Variants in SRL observed in about 807,000 individuals in gnomAD.
SRL encodes the protein sarcalumenin.
SRL carries 23 observed loss-of-function variants against 39.5 expected under a neutral mutation model. That is an observed-to-expected ratio of 0.58 (90% CI 0.42 to 0.82). The LOEUF is 0.82. Among genes scored for constraint, SRL ranks in the 40% least tolerant of loss-of-function variants. The probability of loss-of-function intolerance (pLI) is 0.00; values close to 1 mark genes in which losing one functional copy is unlikely to be tolerated. For synonymous variants in SRL, 272 were observed against 237.4 expected (o/e 1.15, Z -1.34); for missense variants, 592 against 607.8 (o/e 0.97, Z 0.27).
At chr16:4,201,437 C>A (rs1166018312) in intron 3 of SRL, among the ~76,000 whole-genome samples, 2 of 151,648 alleles carry the variant, frequency 1.3e-5, no homozygotes, top group Admixed American at 1.3e-4. Flanking sequence ...CCACCACACC[C>A]AGCCAATTTT....
intron 1 of SRL, chr16:4,206,746 A>C (rs1208307182): frequency 1.5e-5 from 6 of 408,058 alleles, no homozygotes; most frequent in Admixed American, 1.3e-4. Context: ...CAATGATGGG[A>C]CTCTCCCTCC....
At chr16:4,214,154 G>C (rs1040156548) in intron 1 of SRL, among the ~76,000 whole-genome samples, 3 of 152,170 alleles carry the variant, frequency 2.0e-5, no homozygotes, top group Non-Finnish European at 4.4e-5. Context: ...ACTAGAGATG[G>C]AGAGAATAGA....
chr16:4,225,722 T>C (rs1028442026), intron 1 of SRL, among the ~76,000 whole-genome samples: 1 of 152,134 alleles, frequency 6.6e-6, no homozygotes, highest in Non-Finnish European at 1.5e-5. Context: ...CCCACCTGGA[T>C]TGTTGATGTC....
chr16:4,221,508 C>A (rs1044013441), intron 1 of SRL, among the ~76,000 whole-genome samples: 2 of 152,200 alleles, frequency 1.3e-5, no homozygotes, highest in Admixed American at 6.5e-5. Flanking sequence ...CAGGCTGACC[C>A]TCCCCGGTCA....
At chr16:4,205,752 C>T (rs872918) in intron 1 of SRL, among the ~76,000 whole-genome samples, 1,833 of 152,122 alleles carry the variant, frequency 0.012, 36 homozygotes, top group African/African-American at 0.042. Context: ...GGGTTTCATC[C>T]CAAGAGCAAT....
At position 4,192,033 on chromosome 16, in the gene SRL, A is replaced by C. The variant is rs750593371; in HGVS notation, c.*120T>G. The stretch of plus-strand genomic sequence containing the variant: ...CGACCCCTGGCCTCAATGAACTCCC[A>C]ACTCTCCACTGTGTAATAATTCCTG... On this transcript the variant is annotated 3_prime_UTR_variant, in exon 6 of 6. Transcript: ENST00000399609. The surrounding 1 kb of genome is among the most constrained non-coding windows in gnomAD (Gnocchi z 4.0). 1.9e-4 allele frequency: 220 copies of C among 1,170,406 alleles called. No homozygotes were observed. The highest frequency in any genetic ancestry group is 2.6e-4 in the Non-Finnish European group (213 of 824,976). 72.5% of individuals were successfully genotyped at this position (1,170,406 alleles called of 1,614,324 possible).
intron 3 of SRL, among the ~76,000 whole-genome samples, chr16:4,200,015 C>T (rs982430708): frequency 7.9e-5 from 12 of 152,250 alleles, no homozygotes; most frequent in South Asian, 2.1e-4. Context: ...TTACAGAGAG[C>T]GTTGCCATAT....
chr16:4,195,982 A>T (rs952132950), intron 4 of SRL, among the ~76,000 whole-genome samples, 196 bp from the exon 5 acceptor site: 3 of 152,008 alleles, frequency 2.0e-5, no homozygotes, highest in Non-Finnish European at 2.9e-5. Flanking sequence ...TCTTTTTGAG[A>T]TGGAGTCTTG....
chr16:4,209,269 T>C (rs534550652), intron 1 of SRL, among the ~76,000 whole-genome samples: 55 of 149,162 alleles, frequency 3.7e-4, no homozygotes, highest in Non-Finnish European at 6.8e-4. Flanking sequence ...TGAGACTCCA[T>C]CTCAAAAAAA....
intron 3 of SRL, among the ~76,000 whole-genome samples, chr16:4,199,002 T>C (rs1440393834): frequency 1.3e-5 from 2 of 152,276 alleles, no homozygotes; most frequent in South Asian, 4.1e-4. Flanking sequence ...GTCAGTCTTA[T>C]TGCAGATTTT....
At chr16:4,205,852 C>T (rs929983914) in intron 1 of SRL, among the ~76,000 whole-genome samples, 6 of 151,642 alleles carry the variant, frequency 4.0e-5, no homozygotes, top group African/African-American at 1.5e-4. Flanking sequence ...GTGGGAGGAT[C>T]GCTTGAGCAC....
chr16:4,198,529 A>G (rs1190262014), intron 3 of SRL, among the ~76,000 whole-genome samples: 2 of 152,108 alleles, frequency 1.3e-5, no homozygotes, highest in Non-Finnish European at 2.9e-5. Flanking sequence ...CCCCACTACA[A>G]TTACTGGGCT....
chr16:4,220,249 C>T (rs1339213664), intron 1 of SRL, among the ~76,000 whole-genome samples: 1 of 149,572 alleles, frequency 6.7e-6, no homozygotes, highest in Non-Finnish European at 1.5e-5. Flanking sequence ...ACCAGCCTGG[C>T]CAACATAGCG....
intron 1 of SRL, among the ~76,000 whole-genome samples, chr16:4,219,837 C>T (rs1256440863): frequency 3.9e-5 from 6 of 151,980 alleles, no homozygotes; most frequent in African/African-American, 1.2e-4. Context: ...GTATTCCTGG[C>T]GTCAGCAGAG....
At chr16:4,234,504 G>A (rs1442658661) in intron 1 of SRL, among the ~76,000 whole-genome samples, 4 of 152,158 alleles carry the variant, frequency 2.6e-5, no homozygotes, top group Non-Finnish European at 5.9e-5. Flanking sequence ...ACCACCTTCA[G>A]GGCTGCAGAG....
rs1255262106 is a variant in SRL, at chr16:4,192,665, G to T, written c.910C>A (p.Gln304Lys). 13 of 1,614,040 alleles carry T rather than the reference G, an allele frequency of 8.1e-6. No individual in the cohort carries two copies. The East Asian group carries it at 1.1e-4, about 14-fold the overall frequency. ...ATCTCTTCTTGGAGGAACAGTTCCTGATGGGTGTCCGGCTTATACTCTTGT... is the reference window on the plus strand; with the variant it reads ...ATCTCTTCTTGGAGGAACAGTTCCTTATGGGTGTCCGGCTTATACTCTTGT... Reference protein sequence around the residue: ...WPQEYKPDTHQELFLQEEISL... With the variant: ...WPQEYKPDTHKELFLQEEISL... The change falls in exon 6 of 6, where the codon CAG (glutamine) becomes AAG (lysine). Residue 304 changes from glutamine (Q) to lysine (K), a missense_variant. By Grantham distance (53) the Gln-to-Lys change is moderately conservative (BLOSUM62 1). Coordinates refer to ENST00000399609, the MANE Select transcript of SRL (RefSeq NM_001098814.2). The surrounding 1 kb of genome is among the most constrained non-coding windows in gnomAD (Gnocchi z 4.0).
chr16:4,224,437 G>A (rs1290424121), intron 1 of SRL, among the ~76,000 whole-genome samples: 1 of 152,110 alleles, frequency 6.6e-6, no homozygotes, highest in Non-Finnish European at 1.5e-5. Context: ...CAGGCACGGT[G>A]GTTCATGCCT....
In SRL at chr16:4,196,215, C is replaced by G. The variant is rs143862682; in HGVS notation, c.377-429G>C. On this transcript the variant is annotated intron_variant, in intron 4 of 5. Coordinates refer to ENST00000399609, the MANE Select transcript of SRL (RefSeq NM_001098814.2). ...ACCTTAATGATCTGCCCACCTTGGCCTCCCGAAGTGCTGGGATTACAGGTG... is the reference window on the plus strand; with the variant it reads ...ACCTTAATGATCTGCCCACCTTGGCGTCCCGAAGTGCTGGGATTACAGGTG... 4.7e-3 allele frequency among the ~76,000 whole-genome samples: 717 copies of G among 152,180 alleles called. 10 individuals are homozygous for G. Among genetic ancestry groups the G allele is most frequent in the African/African-American group, 0.016 (680 of 41,524 alleles).
chr16:4,228,474 A>G (rs886373736), intron 1 of SRL, among the ~76,000 whole-genome samples: 24 of 151,760 alleles, frequency 1.6e-4, no homozygotes, highest in African/African-American at 2.7e-4. Context: ...AGTGGCTCAC[A>G]CCTACAATCC....
Sources: allele counts gnomAD v4.1 joint callset (sites outside exome capture counted in the v4.1 genomes callset), GRCh38; gene constraint gnomAD v4.1.1; non-coding constraint Gnocchi (gnomAD v3.1); transcripts MANE v1.5; gene names NCBI Gene and HGNC (gene_info 2026-07-23, HGNC 2026-07-21).